The following SAP30BP variants were observed in gnomAD, a reference collection of about 807,000 sequenced individuals.
The protein encoded by SAP30BP is SAP30-binding protein.
A neutral mutation model predicts 46.3 loss-of-function variants in SAP30BP; 31 were observed. The ratio of observed to expected loss-of-function variants is 0.67; its 90% CI spans 0.50 to 0.90. The LOEUF is 0.90. SAP30BP is among the 40% of genes least tolerant of loss of function. The probability of loss-of-function intolerance (pLI) is 0.00; values close to 1 mark genes in which losing one functional copy is unlikely to be tolerated. For missense variants in SAP30BP, 312 were observed against 391.0 expected, an observed-to-expected ratio of 0.80 and a Z score of 1.70; for synonymous variants, 169 against 144.2, an observed-to-expected ratio of 1.17 and a Z score of -1.23.
chr17:75,690,544 C>A (rs1783608412), intron 3 of SAP30BP: 2 of 385,882 alleles, frequency 5.2e-6, no homozygotes, highest in African/African-American at 4.2e-5. Context: ...TCTCAAACTC[C>A]TGGACTCAAG....
intron 3 of SAP30BP, among the ~76,000 whole-genome samples, chr17:75,686,013 C>T (rs1041364374): frequency 1.3e-5 from 2 of 152,238 alleles, no homozygotes; most frequent in African/African-American, 4.8e-5. Context: ...CCTGCATTTA[C>T]ATTGAAGTCT....
chr17:75,705,075 G>C (rs1315065717), intron 9 of SAP30BP: 2 of 460,852 alleles, frequency 4.3e-6, no homozygotes, highest in Admixed American at 3.4e-5. Flanking sequence ...GCCTTGGGGG[G>C]CTTTGTCCGT....
intron 4 of SAP30BP, among the ~76,000 whole-genome samples, chr17:75,693,864 A>T (rs578112865): frequency 1.3e-5 from 2 of 152,256 alleles, no homozygotes; most frequent in East Asian, 1.9e-4. Context: ...GGGAGTCAGC[A>T]TGTGGCCTCT....
intron 4 of SAP30BP, among the ~76,000 whole-genome samples, chr17:75,699,137 C>T (rs574710860): frequency 9.2e-5 from 14 of 152,314 alleles, no homozygotes; most frequent in African/African-American, 2.4e-4. Flanking sequence ...TGTACCACTA[C>T]GCTCTAGCCT....
intron 6 of SAP30BP, chr17:75,703,088 G>A: frequency 1.7e-6 from 1 of 573,062 alleles, no homozygotes; most frequent in South Asian, 2.1e-5. Flanking sequence ...GAAGGTCAGT[G>A]AGACAAAACT....
At chr17:75,703,229 G>A (rs2060441091) in intron 6 of SAP30BP, 82 bp from the exon 7 acceptor site, 4 of 1,336,442 alleles carry the variant, frequency 3.0e-6, no homozygotes, top group African/African-American at 2.9e-5. Context: ...AAGGTTTTGT[G>A]TCAGCCCCAG....
intron 3 of SAP30BP, among the ~76,000 whole-genome samples, chr17:75,672,779 A>G (rs906012746): frequency 5.3e-5 from 8 of 152,100 alleles, no homozygotes; most frequent in Admixed American, 5.2e-4. Context: ...CAGTATGGTG[A>G]AACCCCGTCT....
chr17:75,688,272 A>G (rs759490593), intron 3 of SAP30BP, among the ~76,000 whole-genome samples: 24 of 152,144 alleles, frequency 1.6e-4, no homozygotes, highest in Non-Finnish European at 2.9e-4. Flanking sequence ...TTAAGGAGCT[A>G]TTGTGCTCGT....
intron 3 of SAP30BP, among the ~76,000 whole-genome samples, chr17:75,687,845 G>A (rs1249254395): frequency 6.6e-6 from 1 of 151,962 alleles, no homozygotes; most frequent in Non-Finnish European, 1.5e-5. Flanking sequence ...CTGGGAGTCT[G>A]AAGTTAAAAC....
intron 3 of SAP30BP, among the ~76,000 whole-genome samples, chr17:75,674,697 GTTTTTTTTTTTTT>G (rs66721865): frequency 1.3e-4 from 8 of 61,554 alleles, no homozygotes; most frequent in Middle Eastern, 0.011. Flanking sequence ...TTTGTTTTTT[GTTTTTTTTTTTTT>G]TTTTTTTTTT....
chr17:75,703,779 A>G, intron 7 of SAP30BP, 29 bp from the exon 8 acceptor site: 1 of 1,606,750 alleles, frequency 6.2e-7, no homozygotes, highest in Non-Finnish European at 8.5e-7. Context: ...GTCATTTGTC[A>G]TCTGAGTCAT....
At chr17:75,683,213 T>G (rs1450120925) in intron 3 of SAP30BP, among the ~76,000 whole-genome samples, 1 of 150,730 alleles carries the variant, frequency 6.6e-6, no homozygotes, top group Non-Finnish European at 1.5e-5. Context: ...CTGGCCAATT[T>G]TTGTATTTTT....
intron 4 of SAP30BP, among the ~76,000 whole-genome samples, chr17:75,694,879 G>T (rs2060293567): frequency 6.6e-6 from 1 of 152,186 alleles, no homozygotes; most frequent in Admixed American, 6.5e-5. Flanking sequence ...TTCTCCCTGT[G>T]CCACTTTTTG....
At chr17:75,669,195 A>G (rs1364685380) in intron 2 of SAP30BP, among the ~76,000 whole-genome samples, 1 of 151,818 alleles carries the variant, frequency 6.6e-6, no homozygotes, top group African/African-American at 2.4e-5. Flanking sequence ...CTCCCACCTC[A>G]GCCTACCCAG....
In SAP30BP at chr17:75,692,452, C is replaced by T. The variant is rs779571750; in HGVS notation, c.265-988C>T. On this transcript the variant is annotated intron_variant, in intron 3 of 10. Coordinates refer to ENST00000584667, the MANE Select transcript of SAP30BP (RefSeq NM_013260.8). ...GCCTCTGCTGTTTTGATGATGAGCA[C>T]GTGTGGCCCTTGAGATTGTTGATCT... is the stretch of plus-strand genomic sequence containing the variant. 9.6e-5 allele frequency: 95 copies of T among 985,426 alleles called. 1 individual carries two copies. The highest frequency in any genetic ancestry group is 2.5e-4 in the Admixed American group (4 of 16,276). 61.0% of individuals were successfully genotyped at this position (985,426 alleles called of 1,614,324 possible). A position where few individuals can be genotyped will look rare whatever the true frequency, so the allele number is the denominator to read the frequency against.
rs1272982923 is a variant in SAP30BP at position 75,699,888 on chromosome 17, G to T, written c.396+17G>T. 2 of 1,583,374 alleles carry T rather than the reference G, an allele frequency of 1.3e-6. No individual in the cohort carries two copies. Among genetic ancestry groups the T allele is most frequent in the Non-Finnish European group, 1.7e-6 (2 of 1,152,662 alleles). On this transcript the variant is annotated intron_variant, in intron 5 of 10. Transcript: ENST00000584667. ...CACTTGCAAGTAAGCATGAGACTCG[G>T]CTACTGAGGTCGGATAGATTAGATA...
At chr17:75,692,148 T>C in intron 3 of SAP30BP, 1 of 822,712 alleles carries the variant, frequency 1.2e-6, no homozygotes, top group Non-Finnish European at 1.5e-6. Flanking sequence ...ATAGCTGCAG[T>C]GTTCTGAGGA....
intron 3 of SAP30BP, among the ~76,000 whole-genome samples, chr17:75,687,432 A>G (rs2060173128): frequency 1.3e-5 from 2 of 152,172 alleles, no homozygotes; most frequent in Non-Finnish European, 2.9e-5. Flanking sequence ...CCTGGGCAAC[A>G]TAGTGAGACC....
intron 7 of SAP30BP, 146 bp downstream of exon 7, chr17:75,703,517 C>T (rs2060446756): frequency 1.4e-6 from 1 of 711,914 alleles, no homozygotes; most frequent in Admixed American, 2.4e-5. Flanking sequence ...TGTTTGAGTC[C>T]CTATTGTTCT....
Sources: allele counts gnomAD v4.1 joint callset (sites outside exome capture counted in the v4.1 genomes callset), GRCh38; gene constraint gnomAD v4.1.1; transcripts MANE v1.5; gene names NCBI Gene and HGNC (gene_info 2026-07-23, HGNC 2026-07-21).